Variants in SOS2 observed in about 807,000 individuals in gnomAD.
The protein encoded by SOS2 is SOS Ras/Rho guanine nucleotide exchange factor 2, also known as son of sevenless homolog 2.
In SOS2, 65 loss-of-function variants were observed where a neutral mutation model predicts 148.2. The ratio of observed to expected loss-of-function variants is 0.44; its 90% CI spans 0.36 to 0.54. SOS2 has a LOEUF of 0.54. SOS2 is among the 20% of genes least tolerant of loss of function. The pLI is 0.00. For missense variants in SOS2, 1,341 were observed against 1,590.2 expected, an observed-to-expected ratio of 0.84 and a Z score of 2.67; for synonymous variants, 539 against 537.1, an observed-to-expected ratio of 1.00 and a Z score of -0.05.
chr14:50,124,017 A>T (rs1883607443), intron 21 of SOS2, among the ~76,000 whole-genome samples: 1 of 152,146 alleles, frequency 6.6e-6, no homozygotes, highest in Non-Finnish European at 1.5e-5. Flanking sequence ...GGAGATGAGG[A>T]GGCAGTGAGA....
intron 4 of SOS2, 79 bp from the exon 5 acceptor site, chr14:50,188,779 T>C (rs1886009479): frequency 1.0e-6 from 1 of 975,020 alleles, no homozygotes; most frequent in Non-Finnish European, 1.5e-6. Flanking sequence ...TTGAAATCTA[T>C]ACGTTATTAA....
chr14:50,181,359 A>G (rs982644611), intron 6 of SOS2, among the ~76,000 whole-genome samples: 1 of 152,064 alleles, frequency 6.6e-6, no homozygotes, highest in African/African-American at 2.4e-5. Flanking sequence ...GAGGCAGGAG[A>G]ATGGCTTGAA....
chr14:50,161,412 C>A, intron 9 of SOS2, 70 bp downstream of exon 9: 1 of 1,264,954 alleles, frequency 7.9e-7, no homozygotes, highest in Non-Finnish European at 1.1e-6. Flanking sequence ...AATCACACTT[C>A]TTTGAAAACC....
At chr14:50,187,586 T>C (rs1007910295) in intron 5 of SOS2, among the ~76,000 whole-genome samples, 7 of 151,882 alleles carry the variant, frequency 4.6e-5, no homozygotes, top group African/African-American at 1.5e-4. Context: ...CCTGACCACG[T>C]GATCTGCCTG....
chr14:50,178,701 T>C (rs1291691857), intron 7 of SOS2, among the ~76,000 whole-genome samples: 2 of 20,920 alleles, frequency 9.6e-5, no homozygotes, highest in Non-Finnish European at 2.2e-4. Context: ...TATATATATA[T>C]ATATATATAT....
intron 18 of SOS2, among the ~76,000 whole-genome samples, chr14:50,135,071 CAAAA>C (rs746540364): frequency 0.06 from 3,449 of 57,358 alleles, 56 homozygotes; most frequent in Middle Eastern, 0.09. Context: ...GAGACTGTCT[CAAAA>C]AAAAAAAAAA....
At chr14:50,201,691 T>C (rs1387924980) in intron 2 of SOS2, among the ~76,000 whole-genome samples, 2 of 152,114 alleles carry the variant, frequency 1.3e-5, no homozygotes, top group Non-Finnish European at 1.5e-5. Flanking sequence ...TAAGAAAGAT[T>C]AAAGCGAACA....
intron 4 of SOS2, 59 bp downstream of exon 4, chr14:50,199,632 G>A (rs1595017139): frequency 1.0e-6 from 1 of 991,340 alleles, no homozygotes; most frequent in Non-Finnish European, 1.5e-6. Context: ...CAAAAAGATT[G>A]AGGCAGAAAT....
rs73291648 is a variant in SOS2, at chr14:50,214,539, C to T, written c.88-10130G>A. ...TTAAAAAAGTAGACATTTAACTAGG[C>T]GTAGTGGGGTGTCTGTAGTCCCAGC... On this transcript the variant is annotated intron_variant, in intron 1 of 22. Coordinates refer to ENST00000216373, the MANE Select transcript of SOS2 (RefSeq NM_006939.4). Among the ~76,000 whole-genome samples, 742 of 151,966 alleles carry T rather than the reference C, an allele frequency of 4.9e-3. 7 individuals carry two copies. Among genetic ancestry groups the T allele is most frequent in the African/African-American group, 0.017 (701 of 41,464 alleles).
chr14:50,165,367 A>C (rs1885133172), intron 8 of SOS2, among the ~76,000 whole-genome samples: 1 of 152,056 alleles, frequency 6.6e-6, no homozygotes, highest in Non-Finnish European at 1.5e-5. Flanking sequence ...GTTCCTAAGC[A>C]TTTGTCTTTC....
chr14:50,180,541 A>G, intron 7 of SOS2, 31 bp downstream of exon 7: 2 of 998,416 alleles, frequency 2.0e-6, no homozygotes, highest in Non-Finnish European at 2.9e-6. Flanking sequence ...ATTAAAAAAA[A>G]AAAAAAAAAA....
Position 50,150,157 on chromosome 14 carries a change from T to G in SOS2, c.2235A>C (p.Gly745=). Reference sequence around the variant, plus strand: ...TTTCAAAGGTAATATTATGGCTTACTCCGTTTGCCTGAGCTTGCTTCTTCC... The same window carrying G: ...TTTCAAAGGTAATATTATGGCTTACGCCGTTTGCCTGAGCTTGCTTCTTCC... ...IRRKKQAQAN[G]VSHNITFESP... Residue 745 remains glycine, a synonymous_variant, in exon 14 of 23, where the codon GGA becomes GGC. Coordinates refer to ENST00000216373, the MANE Select transcript of SOS2 (RefSeq NM_006939.4). The G allele has an allele frequency of 6.2e-7, 1 of 1,613,388 alleles. No individual in the cohort carries two copies. The highest frequency in any genetic ancestry group is 8.5e-7 in the Non-Finnish European group (1 of 1,179,324).
Position 50,150,088 on chromosome 14 carries a change from C to T in SOS2, c.2304G>A (p.Gln768=), listed in dbSNP as rs778281839. ...PIEWHISKPG[Q]FETFDLMTLH... ...GTGTCATGAGATCAAATGTTTCAAA[C>T]TGTCCTGGTTTGCTGATATGCCATT... Residue 768 remains glutamine (Q), a synonymous_variant, in exon 14 of 23, where the codon CAG becomes CAA. Coordinates refer to ENST00000216373, the MANE Select transcript of SOS2 (RefSeq NM_006939.4). 2 of 1,614,054 alleles carry T rather than the reference C, an allele frequency of 1.2e-6. No individual in the cohort carries two copies. Among genetic ancestry groups the T allele is most frequent in the South Asian group, 1.1e-5 (1 of 91,088 alleles).
intron 13 of SOS2, among the ~76,000 whole-genome samples, chr14:50,151,707 T>C (rs1345227134): frequency 6.6e-6 from 1 of 152,220 alleles, no homozygotes; most frequent in East Asian, 1.9e-4. Context: ...TCCAGTATTC[T>C]CATTTAGAAT....
At chr14:50,128,929 T>A (rs534780561) in intron 21 of SOS2, among the ~76,000 whole-genome samples, 6 of 152,176 alleles carry the variant, frequency 3.9e-5, no homozygotes, top group South Asian at 2.1e-4. Context: ...CAGATAAAAA[T>A]TTTTTAACCT....
At chr14:50,127,453 T>C (rs542162784) in intron 21 of SOS2, among the ~76,000 whole-genome samples, 2 of 152,116 alleles carry the variant, frequency 1.3e-5, no homozygotes, top group African/African-American at 2.4e-5. Flanking sequence ...AGATCATGTT[T>C]TTATAACAAA....
intron 12 of SOS2, among the ~76,000 whole-genome samples, chr14:50,153,945 A>G (rs894147632): frequency 1.3e-5 from 2 of 151,994 alleles, no homozygotes; most frequent in Non-Finnish European, 2.9e-5. Flanking sequence ...CTACACATAT[A>G]CTACAGTCTC....
chr14:50,161,793 T>G (rs573915906), intron 8 of SOS2, among the ~76,000 whole-genome samples, 184 bp from the exon 9 acceptor site: 51 of 64,784 alleles, frequency 7.9e-4, no homozygotes, highest in African/African-American at 3.0e-3. Context: ...TTCTTTCTTT[T>G]TTTTTTTTTT....
intron 7 of SOS2, among the ~76,000 whole-genome samples, chr14:50,179,952 T>C (rs1885677300): frequency 6.6e-6 from 1 of 152,064 alleles, no homozygotes; most frequent in African/African-American, 2.4e-5. Flanking sequence ...CTTCCTCCTA[T>C]AGGGAACATA....
Sources: allele counts gnomAD v4.1 joint callset (sites outside exome capture counted in the v4.1 genomes callset), GRCh38; gene constraint gnomAD v4.1.1; transcripts MANE v1.5; gene names NCBI Gene and HGNC (gene_info 2026-07-23, HGNC 2026-07-21).